The following COPZ2 variants were observed in gnomAD, a reference collection of about 807,000 sequenced individuals.
COPZ2 encodes the protein coatomer subunit zeta-2.
COPZ2 carries 30 observed loss-of-function variants against 33.2 expected under a neutral mutation model. The observed-to-expected ratio is 0.90, with a 90% CI of 0.68 to 1.23. The LOEUF (loss-of-function observed/expected upper bound fraction) is 1.23. Among genes scored for constraint, COPZ2 ranks in the 50% most tolerant of loss-of-function variants. The probability of loss-of-function intolerance (pLI) is 0.00; values close to 1 mark genes in which losing one functional copy is unlikely to be tolerated. For missense variants in COPZ2, 263 were observed against 262.4 expected (o/e 1.00, Z -0.02); for synonymous variants, 89 against 102.6 (o/e 0.87, Z 0.80).
At chr17:48,037,859 C>G, upstream of COPZ2, 1 of 982,740 alleles carries the variant, frequency 1.0e-6, no homozygotes. The surrounding 1 kb of genome is among the most constrained non-coding windows in gnomAD (Gnocchi z 5.6). Flanking sequence ...CCCGCGGCCC[C>G]CTCTCGCGCG....
intron 6 of COPZ2, 83 bp downstream of exon 6, chr17:48,032,073 T>A: frequency 8.7e-7 from 1 of 1,143,976 alleles, no homozygotes; most frequent in Non-Finnish European, 1.3e-6. Flanking sequence ...TGGTCAGAGT[T>A]CTAGCCATGC....
upstream of COPZ2, among the ~76,000 whole-genome samples, chr17:48,041,375 G>T (rs764503103): frequency 2.6e-5 from 4 of 152,144 alleles, no homozygotes; most frequent in Non-Finnish European, 5.9e-5. Flanking sequence ...TATATGAGTT[G>T]GGGATAAGTG....
Position 48,037,194 on chromosome 17 carries a change from A to C in COPZ2, c.112-269T>G. On this transcript the variant is annotated intron_variant, in intron 1 of 8. Transcript: ENST00000621465. This position sits in a 1 kb window ranked among gnomAD's most constrained non-coding sequence, Gnocchi z 5.6. Reference sequence around the variant, plus strand: ...CGGGCCCAAGTTCTGTCATGCACTGACTGCTCCAGAGCCCGAGTCGGAGTG... The same window carrying C: ...CGGGCCCAAGTTCTGTCATGCACTGCCTGCTCCAGAGCCCGAGTCGGAGTG... The C allele has an allele frequency of 1.4e-6, 1 of 701,158 alleles. No homozygotes were observed. The highest frequency in any genetic ancestry group is 2.7e-6 in the Non-Finnish European group (1 of 370,496). The allele number at this position is 701,158 out of a possible 1,614,324, so 43.4% of individuals were successfully genotyped here.
At chr17:48,044,269 C>A in the COPZ2 span, among the ~76,000 whole-genome samples, 1 of 152,186 alleles carries the variant, frequency 6.6e-6, no homozygotes, top group African/African-American at 2.4e-5. Flanking sequence ...ATCGCTTGAA[C>A]TGGGGAGGCA....
upstream of COPZ2, among the ~76,000 whole-genome samples, chr17:48,040,698 TG>T (rs2037053463): frequency 6.6e-6 from 1 of 151,876 alleles, no homozygotes; most frequent in Admixed American, 6.6e-5. Flanking sequence ...CCCAAAGTGC[TG>T]GGATTACAGG....
In COPZ2 at chr17:48,032,636, A is replaced by G. The variant is rs1358815059; in HGVS notation, c.416+50T>C. On this transcript the variant is annotated intron_variant, in intron 5 of 8. Coordinates refer to ENST00000621465, the MANE Select transcript of COPZ2 (RefSeq NM_016429.4). ...AAACAGGGAGGAAGGGTCCTGTGACATATCAGGGCCAGGGGGATGGGGCCT... is the reference window on the plus strand; with the variant it reads ...AAACAGGGAGGAAGGGTCCTGTGACGTATCAGGGCCAGGGGGATGGGGCCT... The G allele has an allele frequency of 7.2e-6, 10 of 1,392,582 alleles. No individual in the cohort carries two copies. The East Asian group carries it at 1.9e-4, about 27-fold the overall frequency. The allele number at this position is 1,392,582 out of a possible 1,614,324, so 86.3% of individuals were successfully genotyped here. A position where few individuals can be genotyped will look rare whatever the true frequency, so the allele number is the denominator to read the frequency against.
In COPZ2 at chr17:48,029,165, T is replaced by A; in HGVS notation, c.506A>T (p.Glu169Val). The change falls in exon 7 of 9, where the codon GAG (glutamate) becomes GTG (valine). Residue 169 changes from glutamate (E) to valine (V), a missense_variant. By Grantham distance (121) the Glu-to-Val change is moderately radical. Transcript: ENST00000621465. ...DEIVDGGVIL[E>V]SDPQQVIQKV... ...CTGGATCACTTGCTGGGGGTCACTC[T>A]CCAGAATCACACTACAAGATGAGAG... The A allele has an allele frequency of 6.3e-7, 1 of 1,576,492 alleles. No homozygotes were observed. Among genetic ancestry groups the A allele is most frequent in the East Asian group, 2.3e-5 (1 of 43,016 alleles).
intron 4 of COPZ2, 25 bp from the exon 5 acceptor site, chr17:48,032,766 G>A: frequency 1.3e-6 from 2 of 1,571,154 alleles, no homozygotes; most frequent in Non-Finnish European, 1.7e-6. Context: ...TACGGGAGGA[G>A]GAAAAGGAGA....
At chr17:48,030,752 G>A (rs1368425145) in intron 6 of COPZ2, among the ~76,000 whole-genome samples, 7 of 152,236 alleles carry the variant, frequency 4.6e-5, no homozygotes, top group African/African-American at 1.7e-4. Flanking sequence ...CAGAGGCAGA[G>A]ACGGGAAGCT....
chr17:48,029,054 C>T (rs531412051), intron 7 of COPZ2, 71 bp downstream of exon 7: 8 of 1,414,768 alleles, frequency 5.7e-6, no homozygotes, highest in African/African-American at 4.3e-5. Context: ...CCATCTAGGC[C>T]CTAGCAGCCC....
upstream of COPZ2, among the ~76,000 whole-genome samples, chr17:48,039,201 T>C (rs1171704102): frequency 6.6e-6 from 1 of 152,068 alleles, no homozygotes; most frequent in Admixed American, 6.6e-5. Context: ...CTGGGCTCAA[T>C]GGCTCACATC....
upstream of COPZ2, among the ~76,000 whole-genome samples, chr17:48,041,147 CAAA>C (rs10532613): frequency 0.13 from 13,301 of 103,014 alleles, 856 homozygotes; most frequent in African/African-American, 0.21. Flanking sequence ...ACTCTATCTC[CAAA>C]AAAAAAAAAA....
chr17:48,044,435 T>C, the COPZ2 span, among the ~76,000 whole-genome samples: 2 of 122,630 alleles, frequency 1.6e-5, no homozygotes, highest in African/African-American at 6.0e-5. Flanking sequence ...TTTACCCCAA[T>C]GTGGATTCTT....
chr17:48,033,992 G>C (rs781490448), intron 2 of COPZ2, 48 bp from the exon 3 acceptor site: 1 of 1,357,110 alleles, frequency 7.4e-7, no homozygotes, highest in South Asian at 1.2e-5. Context: ...ACACAGCCTG[G>C]ATCCTCCCTA....
At chr17:48,026,508 TG>T in intron 8 of COPZ2, 33 bp from the exon 9 acceptor site, 1 of 1,533,938 alleles carries the variant, frequency 6.5e-7, no homozygotes. Context: ...GAGAGAGAAT[TG>T]AGAATGTCAA....
At chr17:48,029,537 G>A in intron 6 of COPZ2, 1 of 334,030 alleles carries the variant, frequency 3.0e-6, no homozygotes, top group Non-Finnish European at 5.4e-6. Context: ...GATTCCCTGT[G>A]AAAAGAGTTA....
At chr17:48,032,655 G>A (rs2036911410) in intron 5 of COPZ2, 31 bp downstream of exon 5, 2 of 1,551,168 alleles carry the variant, frequency 1.3e-6, no homozygotes, top group Non-Finnish European at 1.8e-6. Flanking sequence ...CCAGGGGGAT[G>A]GGGCCTCGGA....
intron 5 of COPZ2, among the ~76,000 whole-genome samples, 174 bp downstream of exon 5, chr17:48,032,512 C>T (rs1245273343): frequency 1.3e-5 from 2 of 152,256 alleles, no homozygotes; most frequent in East Asian, 1.9e-4. Flanking sequence ...CGTTTCACAA[C>T]TAGGTTAGAT....
chr17:48,026,440 C>T lies in COPZ2; in HGVS notation c.621G>A (p.Ser207=). The T allele has an allele frequency of 1.2e-6, 2 of 1,613,244 alleles. No homozygotes were observed. Among genetic ancestry groups the T allele is most frequent in the East Asian group, 2.2e-5 (1 of 44,888 alleles). The change falls in exon 9 of 9, where the codon TCG becomes TCA. Residue 207 remains serine (S), a synonymous_variant. Coordinates refer to ENST00000621465, the MANE Select transcript of COPZ2 (RefSeq NM_016429.4). ...LQSAKEQIKW[S]LLK ...GAATCCACAGCCTTCATTTCAATAA[C>T]GACCATTTAATTTGTTCCTTGGCAG...
Sources: gnomAD v4.1 joint callset for allele counts (sites outside exome capture counted in the v4.1 genomes callset) on GRCh38, gnomAD v4.1.1 for gene constraint, Gnocchi (gnomAD v3.1) non-coding constraint, MANE v1.5 for transcripts, NCBI Gene and HGNC (gene_info 2026-07-23, HGNC 2026-07-21) for gene names.